The following CHN2 variants were observed in gnomAD, a reference collection of about 807,000 sequenced individuals.
CHN2 encodes the protein chimerin 2, also known as beta-chimaerin.
CHN2 carries 35 observed loss-of-function variants against 56.3 expected under a neutral mutation model. The ratio of observed to expected loss-of-function variants is 0.62; its 90% CI spans 0.47 to 0.82. The LOEUF (loss-of-function observed/expected upper bound fraction) is 0.82, where lower values mean the gene tolerates loss of function less well. CHN2 is among the 40% of genes least tolerant of loss of function. CHN2 has a pLI of 0.00. For synonymous variants in CHN2, 210 were observed against 212.8 expected (o/e 0.99, Z 0.12); for missense variants, 491 against 580.5 (o/e 0.85, Z 1.58).
chr7:29,459,398 G>A (rs1170768493), intron 6 of CHN2, among the ~76,000 whole-genome samples: 2 of 152,284 alleles, frequency 1.3e-5, no homozygotes, highest in African/African-American at 4.8e-5. Flanking sequence ...AAAGGTGGAT[G>A]CAGCCCTGGA....
intron 1 of CHN2, chr7:29,292,779 C>T (rs972464586): frequency 5.0e-6 from 2 of 401,260 alleles, no homozygotes; most frequent in African/African-American, 4.1e-5. Context: ...TTGACTCTTC[C>T]ACCTTTATCT....
At chr7:29,417,033 A>G (rs1320288248) in intron 6 of CHN2, among the ~76,000 whole-genome samples, 2 of 152,018 alleles carry the variant, frequency 1.3e-5, no homozygotes, top group Non-Finnish European at 2.9e-5. Flanking sequence ...CTTCCTTTGC[A>G]TGCCGCCGGG....
chr7:29,480,169 C>T (rs1370522514), intron 6 of CHN2, 110 bp from the exon 7 acceptor site: 1 of 1,600,946 alleles, frequency 6.2e-7, no homozygotes, highest in East Asian at 2.2e-5. Flanking sequence ...GTTCGGAAGT[C>T]TAAGCAGGGC....
chr7:29,271,245 T>C (rs3793311), intron 1 of CHN2, among the ~76,000 whole-genome samples: 10,723 of 152,206 alleles, frequency 0.07, 504 homozygotes, highest in East Asian at 0.16. Flanking sequence ...ACTCCAACAG[T>C]CCGGAGACAA....
chr7:29,344,722 G>C (rs926016856), intron 1 of CHN2, among the ~76,000 whole-genome samples: 1 of 152,000 alleles, frequency 6.6e-6, no homozygotes, highest in Non-Finnish European at 1.5e-5. Flanking sequence ...GGGACTTTAG[G>C]CCTTGCTCTT....
chr7:29,292,855 G>A (rs1584979794), intron 1 of CHN2: 2 of 455,366 alleles, frequency 4.4e-6, no homozygotes, highest in East Asian at 1.4e-4. Context: ...TAGTCTTGGG[G>A]AAGAAAATAT....
intron 1 of CHN2, among the ~76,000 whole-genome samples, chr7:29,211,299 C>T (rs953792122): frequency 2.6e-5 from 4 of 151,572 alleles, no homozygotes; most frequent in South Asian, 2.1e-4. Flanking sequence ...GGGATGGTCT[C>T]GATCTCCTGA....
chr7:29,302,822 C>G (rs759881212), intron 1 of CHN2, among the ~76,000 whole-genome samples: 17 of 152,192 alleles, frequency 1.1e-4, no homozygotes, highest in Non-Finnish European at 2.1e-4. Flanking sequence ...GAACTGACTA[C>G]TCCACATACC....
intron 1 of CHN2, among the ~76,000 whole-genome samples, chr7:29,329,915 A>G (rs1796095566): frequency 6.6e-6 from 1 of 152,114 alleles, no homozygotes; most frequent in South Asian, 2.1e-4. Flanking sequence ...CACTTTTCTG[A>G]ACTCCCAGAG....
chr7:29,204,664 G>T (rs1183383885), intron 1 of CHN2, among the ~76,000 whole-genome samples: 2 of 152,120 alleles, frequency 1.3e-5, no homozygotes, highest in Non-Finnish European at 2.9e-5. Context: ...CATGATCAAT[G>T]CCTAGGGTTG....
At chr7:29,472,753 A>T (rs1221197389) in intron 6 of CHN2, among the ~76,000 whole-genome samples, 1 of 152,150 alleles carries the variant, frequency 6.6e-6, no homozygotes, top group African/African-American at 2.4e-5. Context: ...ACCAGAGAAG[A>T]GTTAATAGAA....
Position 29,154,966 on chromosome 7 carries a change from G to A in CHN2, c.274+8006G>A, listed in dbSNP as rs553481992. 2.6e-5 allele frequency among the ~76,000 whole-genome samples: 4 copies of A among 152,344 alleles called. No homozygotes were observed. In the East Asian group the frequency reaches 7.7e-4, roughly 29 times the overall value. On this transcript the variant is annotated intron_variant, in intron 2 of 6. Coordinates refer to the CHN2 transcript ENST00000439384. ...CAATCATGGTGGAAGACAAGGAGGA[G>A]CAAGTCACATCTTACATGGATGGTG... is the stretch of plus-strand genomic sequence containing the variant.
intron 6 of CHN2, among the ~76,000 whole-genome samples, chr7:29,443,178 G>A (rs1783790043): frequency 1.3e-5 from 2 of 151,738 alleles, no homozygotes; most frequent in Admixed American, 6.6e-5. Flanking sequence ...CTGACCTCAT[G>A]ATCCACCCGC....
At chr7:29,167,819 G>T (rs73688312) in intron 2 of CHN2, among the ~76,000 whole-genome samples, 350 of 152,306 alleles carry the variant, frequency 2.3e-3, no homozygotes, top group African/African-American at 8.1e-3. Flanking sequence ...TCCTTGTTAT[G>T]AGTGAGTTTG....
chr7:29,400,743 A>G lies in CHN2; in HGVS notation c.491A>G (p.Glu164Gly), dbSNP rs753046299. ...ATTGGATATGCCACCCTACTCAGAGAAAAAGTATCCAGAAGGCTGAGCAGG... is the reference window on the plus strand; with the variant it reads ...ATTGGATATGCCACCCTACTCAGAGGAAAAGTATCCAGAAGGCTGAGCAGG... ...EHIGYATLLREKVSRRLSRSK... is the reference protein window; with the variant it reads ...EHIGYATLLRGKVSRRLSRSK... The change falls in exon 6 of 13, where the codon GAA (glutamate) becomes GGA (glycine). Residue 164 changes from glutamate (E) to glycine (G), a missense_variant. Physicochemically the swap from Glu to Gly is moderately conservative, Grantham distance 98. Coordinates refer to ENST00000222792, the MANE Select transcript of CHN2 (RefSeq NM_004067.4). 4.3e-6 allele frequency: 7 copies of G among 1,614,122 alleles called. No individual in the cohort carries two copies. The highest frequency in any genetic ancestry group is 5.9e-6 in the Non-Finnish European group (7 of 1,179,994).
chr7:29,174,546 A>C (rs1478469560), intron 2 of CHN2, among the ~76,000 whole-genome samples: 1 of 152,160 alleles, frequency 6.6e-6, no homozygotes, highest in Non-Finnish European at 1.5e-5. Flanking sequence ...GGCAGAAAGA[A>C]AATACCCAAC....
At chr7:29,273,326 CATATATATATATATGTGT>C (rs1272073677) in intron 1 of CHN2, among the ~76,000 whole-genome samples, 23 of 79,780 alleles carry the variant, frequency 2.9e-4, no homozygotes, top group African/African-American at 1.2e-3. Context: ...TTCCATCATG[CATATATATATATATGTGT>C]ATATATATAT....
At chr7:29,203,462 C>T (rs39752) in intron 1 of CHN2, among the ~76,000 whole-genome samples, 2,394 of 111,918 alleles carry the variant, frequency 0.021, 31 homozygotes, top group Middle Eastern at 0.06. Flanking sequence ...AGTGAAACTC[C>T]GTCTCAAAAA....
intron 4 of CHN2, chr7:29,397,606 CAG>C (rs1554286072): frequency 1.3e-5 from 2 of 152,112 alleles, no homozygotes; most frequent in African/African-American, 2.4e-5. Context: ...TTAAAGGCAA[CAG>C]GGAACGTGGG....
Sources: gnomAD v4.1 joint callset for allele counts (sites outside exome capture counted in the v4.1 genomes callset) on GRCh38, gnomAD v4.1.1 for gene constraint, MANE v1.5 for transcripts, NCBI Gene and HGNC (gene_info 2026-07-23, HGNC 2026-07-21) for gene names.